ZNF532: variants seen among roughly 807,000 people sequenced by gnomAD.
The protein encoded by ZNF532 is zinc finger protein 532.
In ZNF532, 22 loss-of-function variants were observed where a neutral mutation model predicts 89.3. The ratio of observed to expected loss-of-function variants is 0.25; its 90% CI spans 0.18 to 0.35. The LOEUF is 0.35. Ranked by LOEUF, ZNF532 falls within the 10% of genes least tolerant of loss-of-function variation. The pLI is 1.00. For synonymous variants in ZNF532, 606 were observed against 649.6 expected, an observed-to-expected ratio of 0.93 and a Z score of 1.02; for missense variants, 1,132 against 1,643.4, an observed-to-expected ratio of 0.69 and a Z score of 5.38.
chr18:58,942,043 C>T (rs911732814), intron 5 of ZNF532, among the ~76,000 whole-genome samples: 1 of 145,622 alleles, frequency 6.9e-6, no homozygotes, highest in Non-Finnish European at 1.5e-5. Flanking sequence ...CCCCGCCCCC[C>T]CCTCAGTCTC....
At chr18:58,955,794 C>T (rs2064709213) in intron 7 of ZNF532, among the ~76,000 whole-genome samples, 2 of 152,204 alleles carry the variant, frequency 1.3e-5, no homozygotes, top group South Asian at 4.1e-4. Context: ...TAGTCTCAGG[C>T]TTTCCTACTA....
In ZNF532 at chr18:58,919,021, G is replaced by T. The variant is rs774836372; in HGVS notation, c.734G>T (p.Ser245Ile). 1.2e-6 allele frequency: 2 copies of T among 1,613,610 alleles called. No individual in the cohort carries two copies. Among genetic ancestry groups the T allele is most frequent in the Non-Finnish European group, 1.7e-6 (2 of 1,180,030 alleles). ...LENRVLDGKL[S>I]SEKNDTSLPS... ...AACAGAGTCCTAGATGGGAAGCTGA[G>T]CTCCGAGAAGAATGACACCAGCCTC... Residue 245 changes from serine (S) to isoleucine (I), a missense_variant, in exon 3 of 10, where the codon AGC becomes ATC. Coordinates refer to ENST00000591808, the MANE Select transcript of ZNF532 (RefSeq NM_001375912.1). This position sits in a 1 kb window ranked among gnomAD's most constrained non-coding sequence, Gnocchi z 6.1.
Position 58,920,119 on chromosome 18 carries a change from TA to T in ZNF532, c.1833del (p.Leu611PhefsTer21). On this transcript the variant is annotated frameshift_variant, in exon 3 of 10. Transcript: ENST00000591808. LOFTEE classifies it high-confidence loss of function. ...CCTCCCGCCAATGCAGGGATCACGT[TA>T]CCGACGCGTGGGTACAAGTGCTTGG... ...LSPPANAGIT[L>X]PTRGYKCLEC... 6.2e-7 allele frequency: 1 copy of T among 1,613,964 alleles called. No homozygotes were observed. Among genetic ancestry groups the T allele is most frequent in the Non-Finnish European group, 8.5e-7 (1 of 1,179,862 alleles).
Position 58,979,105 on chromosome 18 carries a change from C to T in ZNF532, c.3201C>T (p.Ser1067=), listed in dbSNP as rs1465054432. 1 of 1,613,416 alleles carries T rather than the reference C, an allele frequency of 6.2e-7. No homozygotes were observed. The highest frequency in any genetic ancestry group is 8.5e-7 in the Non-Finnish European group (1 of 1,179,394). Residue 1067 remains serine (S), a synonymous_variant, in exon 8 of 10, where the codon TCC becomes TCT. Transcript: ENST00000591808. The stretch of plus-strand genomic sequence containing the variant: ...AGTGTGACAAGTCTTTCAGCTCGTC[C>T]CACAGCCTGTGCCGGCACAACCGGA... ...CRQCDKSFSS[S]HSLCRHNRIK...
chr18:58,919,895 C>T lies in ZNF532; in HGVS notation c.1608C>T (p.Ala536=). ...ACCTTTTGCCTCAGGGTGCCCAGGCCACCTCTGAACTCCGCCAAGTGCTAA... is the reference window on the plus strand; with the variant it reads ...ACCTTTTGCCTCAGGGTGCCCAGGCTACCTCTGAACTCCGCCAAGTGCTAA... ...NLNLLPQGAQ[A]TSELRQVLTK... The change falls in exon 3 of 10, where the codon GCC becomes GCT. Residue 536 remains alanine, a synonymous_variant. Transcript: ENST00000591808. The surrounding 1 kb of genome is among the most constrained non-coding windows in gnomAD (Gnocchi z 6.1). 6.2e-7 allele frequency: 1 copy of T among 1,613,986 alleles called. No individual in the cohort carries two copies. The highest frequency in any genetic ancestry group is 1.3e-5 in the African/African-American group (1 of 75,048).
chr18:58,953,680 G>T lies in ZNF532; in HGVS notation c.3031G>T (p.Val1011Leu). The change falls in exon 7 of 10, where the codon GTG becomes TTG. Residue 1011 changes from valine to leucine, a missense_variant. Val to Leu is a conservative substitution (Grantham distance 32, BLOSUM62 1). Transcript: ENST00000591808. ...EKLEKKSPSP[V>L]KKSMETKKVA... Reference sequence around the variant, plus strand: ...ATTGGAAAAGAAATCTCCATCTCCTGTGAAAAAATCAATGGAAACCAAGAA... The same window carrying T: ...ATTGGAAAAGAAATCTCCATCTCCTTTGAAAAAATCAATGGAAACCAAGAA... 1.2e-6 allele frequency: 2 copies of T among 1,614,028 alleles called. No homozygotes were observed. The highest frequency in any genetic ancestry group is 1.7e-6 in the Non-Finnish European group (2 of 1,179,898).
chr18:58,975,903 C>T (rs1603340411), intron 7 of ZNF532, among the ~76,000 whole-genome samples: 1 of 152,136 alleles, frequency 6.6e-6, no homozygotes, highest in Non-Finnish European at 1.5e-5. Flanking sequence ...TCAATCTCAG[C>T]TTATAGTAAA....
intron 2 of ZNF532, among the ~76,000 whole-genome samples, chr18:58,868,431 A>G (rs2056675267): frequency 1.3e-5 from 2 of 152,248 alleles, no homozygotes; most frequent in Admixed American, 1.3e-4. Flanking sequence ...CGGGCGAAGC[A>G]GAACAGGCCC....
At chr18:58,874,456 TG>T (rs2057269416) in intron 2 of ZNF532, among the ~76,000 whole-genome samples, 2 of 152,172 alleles carry the variant, frequency 1.3e-5, no homozygotes, top group Admixed American at 1.3e-4. Flanking sequence ...GCGATTCTTC[TG>T]CCTCAGCCTC....
At chr18:58,964,507 G>T (rs2065700118) in intron 7 of ZNF532, among the ~76,000 whole-genome samples, 1 of 146,632 alleles carries the variant, frequency 6.8e-6, no homozygotes, top group African/African-American at 2.5e-5. Context: ...TTTTTCATTA[G>T]TTTTGGCCAC....
chr18:58,923,538 A>G (rs889385890), intron 3 of ZNF532, among the ~76,000 whole-genome samples: 2 of 151,962 alleles, frequency 1.3e-5, no homozygotes, highest in African/African-American at 2.4e-5. Flanking sequence ...ACATGTGGCC[A>G]TGGGGGTTCT....
At chr18:58,922,161 T>A (rs2061151822) in intron 3 of ZNF532, among the ~76,000 whole-genome samples, 1 of 152,152 alleles carries the variant, frequency 6.6e-6, no homozygotes, top group South Asian at 2.1e-4. Context: ...TAGTTTGAGC[T>A]AATATACTCT....
Position 58,919,592 on chromosome 18 carries a change from T to C in ZNF532, c.1305T>C (p.Pro435=). The C allele has an allele frequency of 6.2e-7, 1 of 1,614,186 alleles. No individual in the cohort carries two copies. The highest frequency in any genetic ancestry group is 8.5e-7 in the Non-Finnish European group (1 of 1,180,038). Residue 435 remains proline (P), a synonymous_variant, in exon 3 of 10, where the codon CCT becomes CCC. Coordinates refer to ENST00000591808, the MANE Select transcript of ZNF532 (RefSeq NM_001375912.1). The surrounding 1 kb of genome is among the most constrained non-coding windows in gnomAD (Gnocchi z 6.1). ...QSAVVTNAVS[P]AELTPKQVTI... ...CGGTCGTGACCAATGCAGTTTCCCC[T>C]GCAGAGCTCACCCCCAAACAGGTCA...
At chr18:58,974,431 A>G (rs572695981) in intron 7 of ZNF532, among the ~76,000 whole-genome samples, 137 of 152,140 alleles carry the variant, frequency 9.0e-4, no homozygotes, top group Non-Finnish European at 1.1e-3. Context: ...GCATGCATGT[A>G]TTTAGCCAGT....
At chr18:58,917,828 A>G (rs989725003) in intron 2 of ZNF532, among the ~76,000 whole-genome samples, 2 of 151,762 alleles carry the variant, frequency 1.3e-5, no homozygotes, top group Non-Finnish European at 2.9e-5. Context: ...TGATTGTGGT[A>G]TGTTTCTTTT....
intron 2 of ZNF532, among the ~76,000 whole-genome samples, chr18:58,915,106 A>G (rs750057677): frequency 6.6e-6 from 1 of 152,216 alleles, no homozygotes; most frequent in African/African-American, 2.4e-5. Context: ...GTGGGTATGA[A>G]AAACATTCCT....
intron 6 of ZNF532, chr18:58,953,053 C>G (rs890718825): frequency 5.2e-5 from 8 of 153,514 alleles, no homozygotes; most frequent in African/African-American, 1.9e-4. Context: ...AAAAGGCTTG[C>G]TATTTACTAA....
chr18:58,983,195 G>A (rs2068027430), intron 9 of ZNF532, among the ~76,000 whole-genome samples: 1 of 152,220 alleles, frequency 6.6e-6, no homozygotes, highest in South Asian at 2.1e-4. Flanking sequence ...AAAAGCTGGG[G>A]CACAGAGTGC....
intron 5 of ZNF532, among the ~76,000 whole-genome samples, chr18:58,940,988 T>C (rs947151782): frequency 1.2e-4 from 18 of 149,004 alleles, no homozygotes; most frequent in African/African-American, 4.5e-4. Flanking sequence ...TCTCTCTCTC[T>C]CTCCTGGCTT....
Sources: gnomAD v4.1 joint callset for allele counts (sites outside exome capture counted in the v4.1 genomes callset) on GRCh38, gnomAD v4.1.1 for gene constraint, Gnocchi (gnomAD v3.1) non-coding constraint, MANE v1.5 for transcripts, NCBI Gene and HGNC (gene_info 2026-07-23, HGNC 2026-07-21) for gene names.